CHST9: variants seen among roughly 807,000 people sequenced by gnomAD.
The protein encoded by CHST9 is carbohydrate sulfotransferase 9.
A neutral mutation model predicts 44.4 loss-of-function variants in CHST9; 41 were observed. The observed-to-expected ratio is 0.92, with a 90% confidence interval of 0.72 to 1.20. CHST9 has a LOEUF of 1.20. Ranked by LOEUF, CHST9 falls within the 50% of genes most tolerant of loss-of-function variation. CHST9 has a pLI of 0.00. For missense variants in CHST9, 504 were observed against 516.5 expected (o/e 0.98, Z 0.23); for synonymous variants, 171 against 178.4 (o/e 0.96, Z 0.33).
At chr18:27,159,075 T>C (rs538736323) in intron 1 of CHST9, among the ~76,000 whole-genome samples, 1 of 152,202 alleles carries the variant, frequency 6.6e-6, no homozygotes, top group African/African-American at 2.4e-5. Flanking sequence ...TTCACTCTGA[T>C]GGTAGTTTCT....
intron 4 of CHST9, among the ~76,000 whole-genome samples, chr18:26,954,740 CTAT>C (rs2056298747): frequency 6.6e-6 from 1 of 152,068 alleles, no homozygotes; most frequent in African/African-American, 2.4e-5. Context: ...TGATCTCAGC[CTAT>C]TGTTTCTTTC....
At chr18:26,983,902 A>C (rs550721688) in intron 4 of CHST9, among the ~76,000 whole-genome samples, 3 of 152,264 alleles carry the variant, frequency 2.0e-5, no homozygotes, top group African/African-American at 7.2e-5. Flanking sequence ...CAATTCAGTA[A>C]ACTGTTACTG....
chr18:27,008,738 C>CGGTTGCTT lies in CHST9; in HGVS notation c.202+15370_202+15377dup, dbSNP rs1313687583. On this transcript the variant is annotated intron_variant, in intron 4 of 5. Transcript: ENST00000618847. ...ATCTATCTCTTTTCCCTACCTATCT[C>CGGTTGCTT]GGTTGCTTTCTTATTCCTTTAGCAC... is the stretch of plus-strand genomic sequence containing the variant. 5.3e-5 allele frequency among the ~76,000 whole-genome samples: 8 copies of CGGTTGCTT among 152,240 alleles called. No homozygotes were observed. The East Asian group carries it at 1.4e-3, about 26-fold the overall frequency.
intron 4 of CHST9, among the ~76,000 whole-genome samples, chr18:26,965,830 G>A (rs1052036970): frequency 2.0e-5 from 3 of 152,166 alleles, no homozygotes; most frequent in South Asian, 2.1e-4. Flanking sequence ...TGGTCAACTG[G>A]TAGGCCTAGT....
At chr18:27,151,932 A>G (rs1016606583) in intron 1 of CHST9, among the ~76,000 whole-genome samples, 3 of 152,200 alleles carry the variant, frequency 2.0e-5, no homozygotes, top group African/African-American at 7.2e-5. Flanking sequence ...AAACGAACAC[A>G]GTACAATGCC....
intron 4 of CHST9, among the ~76,000 whole-genome samples, chr18:26,987,461 AT>A (rs1300187181): frequency 6.6e-5 from 10 of 152,212 alleles, no homozygotes; most frequent in Non-Finnish European, 1.5e-4. Flanking sequence ...AACAATAAAC[AT>A]AAAAAACCGA....
intron 4 of CHST9, among the ~76,000 whole-genome samples, chr18:26,972,355 T>TC: frequency 2.5e-5 from 1 of 39,494 alleles, no homozygotes; most frequent in African/African-American, 1.3e-4. Context: ...AGACTCCAAC[T>TC]CCAAAAAAAA....
chr18:27,018,238 A>C (rs1369129728), intron 4 of CHST9, among the ~76,000 whole-genome samples: 1 of 152,220 alleles, frequency 6.6e-6, no homozygotes, highest in African/African-American at 2.4e-5. Flanking sequence ...CAAGAGAAAA[A>C]GATTGAAAAC....
rs374385115 is a variant in CHST9, at chr18:27,127,355, C to T, written c.121+15334G>A. On this transcript the variant is annotated intron_variant, in intron 2 of 5. Transcript: ENST00000618847. ...AACTGGGAAGGCCTGTCTTCATGGA[C>T]GTCAAGGGAAAGTGGCATGAAGTGG... 3.5e-4 allele frequency among the ~76,000 whole-genome samples: 53 copies of T among 152,276 alleles called. No homozygotes were observed. In the South Asian group the frequency reaches 0.01, roughly 30 times the overall value.
chr18:27,032,910 G>A (rs1054743813), intron 3 of CHST9, among the ~76,000 whole-genome samples: 4 of 152,152 alleles, frequency 2.6e-5, no homozygotes, highest in African/African-American at 4.8e-5. Context: ...CTTGACTTCC[G>A]CCAGAAGTAG....
At chr18:26,948,814 G>C (rs1205749204) in intron 4 of CHST9, among the ~76,000 whole-genome samples, 1 of 152,200 alleles carries the variant, frequency 6.6e-6, no homozygotes, top group Non-Finnish European at 1.5e-5. Flanking sequence ...TAAGAGAGGG[G>C]CACTCCAGGG....
intron 5 of CHST9, among the ~76,000 whole-genome samples, chr18:26,941,890 A>T (rs548844755): frequency 9.2e-5 from 14 of 152,344 alleles, no homozygotes; most frequent in African/African-American, 3.1e-4. Context: ...GATATTGGCC[A>T]GCAGGCTAGA....
chr18:27,179,182 T>C (rs1212847556), intron 1 of CHST9, among the ~76,000 whole-genome samples: 1 of 151,824 alleles, frequency 6.6e-6, no homozygotes, highest in African/African-American at 2.4e-5. Flanking sequence ...ACCACTAAAA[T>C]ATTACCCAGC....
intron 2 of CHST9, among the ~76,000 whole-genome samples, chr18:27,115,029 G>C (rs1362994789): frequency 6.6e-6 from 1 of 152,042 alleles, no homozygotes; most frequent in Non-Finnish European, 1.5e-5. Context: ...CAGAAGTTTT[G>C]TAAGTGCCTG....
At chr18:26,992,483 CTTAG>C (rs891547049) in intron 4 of CHST9, among the ~76,000 whole-genome samples, 7 of 152,268 alleles carry the variant, frequency 4.6e-5, no homozygotes, top group African/African-American at 1.2e-4. Flanking sequence ...ACTAGTTTTA[CTTAG>C]TTGGTTGGTT....
intron 2 of CHST9, among the ~76,000 whole-genome samples, chr18:27,112,329 T>C (rs1419637538): frequency 6.6e-6 from 1 of 151,470 alleles, no homozygotes; most frequent in East Asian, 1.9e-4. Flanking sequence ...TATCTGCATA[T>C]ACATAATTAA....
chr18:27,034,937 A>G (rs2143508702), intron 3 of CHST9, among the ~76,000 whole-genome samples: 1 of 152,346 alleles, frequency 6.6e-6, no homozygotes, highest in African/African-American at 2.4e-5. Context: ...GGCCTACTGA[A>G]GCAGGTTATT....
intron 3 of CHST9, among the ~76,000 whole-genome samples, chr18:27,030,985 A>G (rs1042991140): frequency 6.6e-6 from 1 of 152,162 alleles, no homozygotes. Flanking sequence ...TTTATATTGT[A>G]TTTAATAGTC....
At chr18:27,105,222 T>C (rs760295296) in intron 2 of CHST9, among the ~76,000 whole-genome samples, 1 of 152,140 alleles carries the variant, frequency 6.6e-6, no homozygotes, top group Non-Finnish European at 1.5e-5. Flanking sequence ...AAAGTTTGCA[T>C]AATAAAGACA....
Sources: allele counts gnomAD v4.1 joint callset (sites outside exome capture counted in the v4.1 genomes callset), GRCh38; gene constraint gnomAD v4.1.1; transcripts MANE v1.5; gene names NCBI Gene and HGNC (gene_info 2026-07-23, HGNC 2026-07-21).